The following LEMD1 variants were observed in gnomAD, a reference collection of about 807,000 sequenced individuals.
The protein encoded by LEMD1 is LEM domain containing 1.
A neutral mutation model predicts 17.4 loss-of-function variants in LEMD1; 18 were observed. The observed-to-expected ratio is 1.04, with a 90% CI of 0.72 to 1.54. The LOEUF (loss-of-function observed/expected upper bound fraction) is 1.54, where lower values mean the gene tolerates loss of function less well. LEMD1 is among the 40% of genes most tolerant of loss of function. The probability of loss-of-function intolerance (pLI) is 0.00; values close to 1 mark genes in which losing one functional copy is unlikely to be tolerated. For missense variants in LEMD1, 195 were observed against 210.4 expected (o/e 0.93, Z 0.45); for synonymous variants, 88 against 77.8 (o/e 1.13, Z -0.69).
chr1:205,399,994 T>C (rs1436700125), intron 4 of LEMD1, among the ~76,000 whole-genome samples: 1 of 152,218 alleles, frequency 6.6e-6, no homozygotes, highest in Non-Finnish European at 1.5e-5. Context: ...AGGAACAATA[T>C]GTTGGTGTCA....
intron 1 of LEMD1, among the ~76,000 whole-genome samples, chr1:205,428,601 CAG>C (rs1217590217): frequency 6.6e-6 from 1 of 152,116 alleles, no homozygotes; most frequent in East Asian, 1.9e-4. Flanking sequence ...ACTGATGTGA[CAG>C]GGAAAGGCTT....
At chr1:205,434,846 C>T (rs1315247438) in intron 1 of LEMD1, 1 of 152,142 alleles carries the variant, frequency 6.6e-6, no homozygotes, top group Non-Finnish European at 1.5e-5. Context: ...CACGGATGCC[C>T]CTTCTACCCT....
intron 1 of LEMD1, among the ~76,000 whole-genome samples, chr1:205,434,719 C>A (rs1304578512): frequency 6.6e-6 from 1 of 152,164 alleles, no homozygotes; most frequent in East Asian, 1.9e-4. Context: ...CAACACCTCA[C>A]TTTATGTCCA....
intron 4 of LEMD1, among the ~76,000 whole-genome samples, chr1:205,413,753 A>G (rs979402149): frequency 1.3e-5 from 2 of 151,340 alleles, no homozygotes; most frequent in Admixed American, 6.6e-5. Flanking sequence ...CCCGAGTTCA[A>G]GTGATTCTTG....
upstream of LEMD1, among the ~76,000 whole-genome samples, chr1:205,423,996 T>C (rs1666024022): frequency 6.6e-6 from 1 of 152,218 alleles, no homozygotes; most frequent in Non-Finnish European, 1.5e-5. Context: ...CAGATGTCAC[T>C]TCAGTCTCAG....
At chr1:205,415,227 T>G (rs573155708) in intron 4 of LEMD1, among the ~76,000 whole-genome samples, 3 of 152,028 alleles carry the variant, frequency 2.0e-5, no homozygotes, top group Admixed American at 6.6e-5. Flanking sequence ...TTCATGAAGT[T>G]AGGTAACCAT....
intron 1 of LEMD1, among the ~76,000 whole-genome samples, chr1:205,430,343 T>G (rs953294248): frequency 6.6e-6 from 1 of 152,176 alleles, no homozygotes; most frequent in Non-Finnish European, 1.5e-5. Context: ...AAATCAGACC[T>G]GGATCTGAAT....
intron 4 of LEMD1, among the ~76,000 whole-genome samples, chr1:205,412,127 A>T (rs1487805647): frequency 1.3e-5 from 2 of 152,150 alleles, no homozygotes; most frequent in Admixed American, 1.3e-4. Flanking sequence ...GATAAATTAT[A>T]CGGCCACCTT....
chr1:205,408,412 T>C (rs1665224593), intron 4 of LEMD1, among the ~76,000 whole-genome samples: 1 of 151,990 alleles, frequency 6.6e-6, no homozygotes, highest in African/African-American at 2.4e-5. Flanking sequence ...TGGGAGGTGT[T>C]TGTACTATCC....
At chr1:205,405,832 T>C (rs1665068709) in intron 4 of LEMD1, among the ~76,000 whole-genome samples, 1 of 150,638 alleles carries the variant, frequency 6.6e-6, no homozygotes, top group Non-Finnish European at 1.5e-5. Context: ...ATCTTTGTGG[T>C]TTTATCTACT....
At chr1:205,446,508 C>T (rs1666391445) in intron 1 of LEMD1, among the ~76,000 whole-genome samples, 1 of 152,236 alleles carries the variant, frequency 6.6e-6, no homozygotes, top group Non-Finnish European at 1.5e-5. Flanking sequence ...TGTACCCTTC[C>T]TCCTAGGCTG....
At chr1:205,383,949 A>AC in intron 5 of LEMD1, among the ~76,000 whole-genome samples, 1 of 130,820 alleles carries the variant, frequency 7.6e-6, no homozygotes, top group East Asian at 2.2e-4. Context: ...TATCCTTTAC[A>AC]TTTTTTTTTT....
chr1:205,416,374 G>A, intron 3 of LEMD1, 78 bp from the exon 4 acceptor site: 2 of 964,654 alleles, frequency 2.1e-6, no homozygotes, highest in Non-Finnish European at 1.6e-6. Context: ...CAATCACCAG[G>A]GTGAATTCTC....
intron 4 of LEMD1, among the ~76,000 whole-genome samples, chr1:205,405,553 C>A (rs1294268603): frequency 1.4e-5 from 2 of 145,046 alleles, no homozygotes; most frequent in Non-Finnish European, 3.0e-5. Flanking sequence ...TCAGCTCCAT[C>A]AGCTCCTTTA....
chr1:205,427,391 T>C (rs970961739), intron 1 of LEMD1, among the ~76,000 whole-genome samples: 1 of 152,002 alleles, frequency 6.6e-6, no homozygotes, highest in African/African-American at 2.4e-5. Context: ...TTTGATATCA[T>C]AGCTCACCCC....
chr1:205,415,361 C>T (rs760674436), intron 4 of LEMD1, among the ~76,000 whole-genome samples: 5 of 151,884 alleles, frequency 3.3e-5, no homozygotes, highest in African/African-American at 9.7e-5. Flanking sequence ...GTGGGGACGC[C>T]GCAAAGAGGG....
At chr1:205,394,528 G>A (rs966563441) in intron 4 of LEMD1, among the ~76,000 whole-genome samples, 6 of 151,952 alleles carry the variant, frequency 3.9e-5, no homozygotes, top group Admixed American at 2.0e-4. Context: ...GGGATTACAG[G>A]TGCCCACCAC....
intron 4 of LEMD1, among the ~76,000 whole-genome samples, chr1:205,406,674 C>T (rs892393114): frequency 4.6e-5 from 7 of 152,198 alleles, no homozygotes; most frequent in Non-Finnish European, 8.8e-5. Context: ...GAGGCAATGC[C>T]TCACCCTGCT....
At position 205,448,294 on chromosome 1, in the gene LEMD1, C is replaced by A; in HGVS notation, c.-39+1574G>T. The stretch of plus-strand genomic sequence containing the variant: ...TGGTCCCATGGGAGGTGCAGCTGCG[C>A]AGGAGAAGGAGCTCGCCCCTCACTG... On this transcript the variant is annotated intron_variant, in intron 1 of 3. Coordinates refer to the LEMD1 transcript ENST00000367154. The surrounding 1 kb of genome is among the most constrained non-coding windows in gnomAD (Gnocchi z 4.7). The A allele has an allele frequency of 1.9e-6, 1 of 527,326 alleles. No individual in the cohort carries two copies. 32.7% of individuals were successfully genotyped at this position (527,326 alleles called of 1,614,324 possible). A position where few individuals can be genotyped will look rare whatever the true frequency, so the allele number is the denominator to read the frequency against.
Sources: allele counts gnomAD v4.1 joint callset (sites outside exome capture counted in the v4.1 genomes callset), GRCh38; gene constraint gnomAD v4.1.1; non-coding constraint Gnocchi (gnomAD v3.1); transcripts MANE v1.5; gene names NCBI Gene and HGNC (gene_info 2026-07-23, HGNC 2026-07-21).